TMEM132D: variants seen among roughly 807,000 people sequenced by gnomAD.
TMEM132D encodes mature OL transmembrane protein.
In TMEM132D, 21 loss-of-function variants were observed where a neutral mutation model predicts 62.3. The observed-to-expected ratio is 0.34, with a 90% CI of 0.24 to 0.49. TMEM132D has a LOEUF of 0.49. TMEM132D is among the 20% of genes least tolerant of loss of function. The pLI is 0.99. For missense variants in TMEM132D, 1,346 were observed against 1,402.8 expected (o/e 0.96, Z 0.65); for synonymous variants, 621 against 575.6 (o/e 1.08, Z -1.13).
chr12:129,238,151 C>T (rs929264918), intron 4 of TMEM132D, among the ~76,000 whole-genome samples: 11 of 152,018 alleles, frequency 7.2e-5, no homozygotes, highest in South Asian at 6.2e-4. Context: ...CTGATGGTGG[C>T]GATAATGGGC....
chr12:129,182,599 G>A (rs1176098934), intron 5 of TMEM132D, among the ~76,000 whole-genome samples: 1 of 152,186 alleles, frequency 6.6e-6, no homozygotes, highest in Non-Finnish European at 1.5e-5. Flanking sequence ...GAAGGCCCTG[G>A]ACTAACTGGA....
At chr12:129,886,759 C>A (rs1593199202) in intron 1 of TMEM132D, among the ~76,000 whole-genome samples, 1 of 152,194 alleles carries the variant, frequency 6.6e-6, no homozygotes, top group Non-Finnish European at 1.5e-5. Flanking sequence ...CCATAACCTC[C>A]ACGTGTCGTG....
rs558393449 is a variant in TMEM132D at position 129,506,157 on chromosome 12, T to G, written c.1115+24902A>C. 1.4e-3 allele frequency among the ~76,000 whole-genome samples: 208 copies of G among 152,346 alleles called. 1 individual carries two copies. The highest frequency in any genetic ancestry group is 4.3e-3 in the Admixed American group (66 of 15,298). On this transcript the variant is annotated intron_variant, in intron 3 of 8. Transcript: ENST00000422113. ...GCTTTAAAGAGGTTCTGTTTTGATG[T>G]GTTTTCAGGCTTTGTTTCAAGATTT...
intron 4 of TMEM132D, among the ~76,000 whole-genome samples, chr12:129,226,836 G>A (rs929069099): frequency 6.6e-6 from 1 of 152,090 alleles, no homozygotes; most frequent in Non-Finnish European, 1.5e-5. Flanking sequence ...CGAGGTGAAT[G>A]TTTTCCCAGG....
intron 5 of TMEM132D, among the ~76,000 whole-genome samples, chr12:129,153,980 T>A (rs1244722277): frequency 2.0e-5 from 3 of 152,194 alleles, no homozygotes; most frequent in Non-Finnish European, 4.4e-5. Context: ...GCAAAACCAT[T>A]CACGACATTC....
Position 129,074,708 on chromosome 12 carries a change from T to C in TMEM132D, c.2467A>G (p.Ser823Gly), listed in dbSNP as rs1287289709. The C allele has an allele frequency of 6.2e-7, 1 of 1,614,162 alleles. No homozygotes were observed. Among genetic ancestry groups the C allele is most frequent in the East Asian group, 2.2e-5 (1 of 44,870 alleles). The change falls in exon 9 of 9, where the codon AGT becomes GGT. Residue 823 changes from serine (S) to glycine (G), a missense_variant. Ser to Gly is a moderately conservative substitution (Grantham distance 56). Transcript: ENST00000422113. ...GAGGGTTTTTTGGGCCTTCTGTCAC[T>C]GACATTGTTTTCCATGTGAACCCCT... The part of the protein sequence containing the change: ...GAGVHMENNV[S>G]DRRPKKPSQE...
At chr12:129,107,870 A>G (rs1422895116) in intron 5 of TMEM132D, among the ~76,000 whole-genome samples, 1 of 123,560 alleles carries the variant, frequency 8.1e-6, no homozygotes, top group Non-Finnish European at 1.7e-5. Context: ...TTTTTTTTTT[A>G]TTTGTAGAGA....
chr12:129,161,331 T>C (rs1057483507), intron 5 of TMEM132D, among the ~76,000 whole-genome samples: 3 of 152,212 alleles, frequency 2.0e-5, no homozygotes, highest in African/African-American at 7.2e-5. Context: ...GCAGAAGTAT[T>C]TAACTGAACA....
At chr12:129,355,811 T>G (rs1266395235) in intron 3 of TMEM132D, among the ~76,000 whole-genome samples, 1 of 152,298 alleles carries the variant, frequency 6.6e-6, no homozygotes. Context: ...GAAGTCTCCT[T>G]GCCCACAAGC....
At chr12:129,488,773 T>A (rs1203744630) in intron 3 of TMEM132D, among the ~76,000 whole-genome samples, 1 of 151,778 alleles carries the variant, frequency 6.6e-6, no homozygotes, top group African/African-American at 2.4e-5. Context: ...GGGCAGGGGC[T>A]AGGGGCAAGG....
At chr12:129,559,211 G>T (rs1877145472) in intron 2 of TMEM132D, among the ~76,000 whole-genome samples, 1 of 152,156 alleles carries the variant, frequency 6.6e-6, no homozygotes, top group African/African-American at 2.4e-5. Flanking sequence ...AGGTACAAAG[G>T]CAAATGTGGA....
At chr12:129,206,802 G>A (rs1274511738) in intron 5 of TMEM132D, among the ~76,000 whole-genome samples, 2 of 152,198 alleles carry the variant, frequency 1.3e-5, no homozygotes, top group African/African-American at 4.8e-5. Flanking sequence ...GTCCTTTGCA[G>A]GGACATGGAT....
intron 1 of TMEM132D, among the ~76,000 whole-genome samples, chr12:129,859,518 T>A (rs1873826237): frequency 6.6e-6 from 1 of 152,134 alleles, no homozygotes; most frequent in Non-Finnish European, 1.5e-5. Flanking sequence ...TGGTAAAGTA[T>A]CATTTCTGGG....
chr12:129,532,972 G>A (rs760671923), intron 2 of TMEM132D, among the ~76,000 whole-genome samples: 3 of 152,056 alleles, frequency 2.0e-5, no homozygotes, highest in Non-Finnish European at 4.4e-5. Flanking sequence ...CGAATACATC[G>A]GAGCAGTGAT....
At chr12:129,542,348 T>C (rs913875971) in intron 2 of TMEM132D, among the ~76,000 whole-genome samples, 5 of 152,230 alleles carry the variant, frequency 3.3e-5, no homozygotes, top group African/African-American at 1.2e-4. Flanking sequence ...ACCAGTGTTT[T>C]AGAGAAATTG....
chr12:129,727,170 C>A (rs1869064310), intron 1 of TMEM132D, among the ~76,000 whole-genome samples: 1 of 152,100 alleles, frequency 6.6e-6, no homozygotes, highest in Non-Finnish European at 1.5e-5. Flanking sequence ...TGTCTTAGTC[C>A]ATTTTCTGCT....
At chr12:129,409,197 T>G (rs1593368580) in intron 3 of TMEM132D, among the ~76,000 whole-genome samples, 1 of 152,284 alleles carries the variant, frequency 6.6e-6, no homozygotes, top group Non-Finnish European at 1.5e-5. Context: ...CCTCCCAAAG[T>G]GCTGGGATTA....
At chr12:129,111,048 G>A (rs1875682443) in intron 5 of TMEM132D, 1 of 152,640 alleles carries the variant, frequency 6.6e-6, no homozygotes, top group African/African-American at 2.4e-5. Flanking sequence ...CAGGACCCCT[G>A]GCTCTCCCCT....
At chr12:129,860,577 G>T (rs778849750) in intron 1 of TMEM132D, among the ~76,000 whole-genome samples, 1 of 152,098 alleles carries the variant, frequency 6.6e-6, no homozygotes, top group Non-Finnish European at 1.5e-5. Flanking sequence ...ACATATGTGC[G>T]TATATATATA....
Sources: allele counts gnomAD v4.1 joint callset (sites outside exome capture counted in the v4.1 genomes callset), GRCh38; gene constraint gnomAD v4.1.1; transcripts MANE v1.5; gene names NCBI Gene and HGNC (gene_info 2026-07-23, HGNC 2026-07-21).